ATP11A: variants seen among roughly 807,000 people sequenced by gnomAD.
ATP11A encodes phospholipid-transporting ATPase IH.
In ATP11A, 81 loss-of-function variants were observed where a neutral mutation model predicts 154.4. That is an observed-to-expected ratio of 0.52 (90% CI 0.44 to 0.63). ATP11A has a LOEUF of 0.63. Among genes scored for constraint, ATP11A ranks in the 30% least tolerant of loss-of-function variants. The pLI, the probability that ATP11A is intolerant of heterozygous loss-of-function variation, is 0.00. For synonymous variants in ATP11A, 623 were observed against 585.9 expected, an observed-to-expected ratio of 1.06 and a Z score of -0.91; for missense variants, 1,316 against 1,474.3, an observed-to-expected ratio of 0.89 and a Z score of 1.76.
intron 1 of ATP11A, among the ~76,000 whole-genome samples, chr13:112,743,049 G>A (rs1034935306): frequency 6.6e-6 from 1 of 152,204 alleles, no homozygotes. Flanking sequence ...GACCTCACCT[G>A]TGCAGAGGGT....
At chr13:112,757,268 G>C (rs2076863652) in intron 1 of ATP11A, among the ~76,000 whole-genome samples, 1 of 152,238 alleles carries the variant, frequency 6.6e-6, no homozygotes, top group South Asian at 2.1e-4. Context: ...TCTGGCCTTT[G>C]TGTTCTCTCC....
At chr13:112,718,549 C>T (rs1888768724) in intron 1 of ATP11A, among the ~76,000 whole-genome samples, 1 of 152,208 alleles carries the variant, frequency 6.6e-6, no homozygotes, top group East Asian at 1.9e-4. Flanking sequence ...TGGGAACCCG[C>T]AGAGGCAGCA....
intron 2 of ATP11A, among the ~76,000 whole-genome samples, chr13:112,788,018 C>G: frequency 6.6e-6 from 1 of 150,480 alleles, no homozygotes; most frequent in African/African-American, 2.4e-5. Flanking sequence ...CTGTGGAGAC[C>G]TACTTAATTC....
intron 1 of ATP11A, among the ~76,000 whole-genome samples, chr13:112,749,906 C>G (rs544529875): frequency 7.6e-6 from 1 of 131,658 alleles, no homozygotes; most frequent in South Asian, 2.6e-4. Context: ...AATCCCCCTT[C>G]AGCCTCTCGT....
intron 1 of ATP11A, among the ~76,000 whole-genome samples, chr13:112,764,836 G>T (rs2077037153): frequency 6.6e-6 from 1 of 152,190 alleles, no homozygotes; most frequent in African/African-American, 2.4e-5. Context: ...CAGCCTGGTT[G>T]TTTATCCCAG....
At chr13:112,739,759 T>C (rs1891347146) in intron 1 of ATP11A, among the ~76,000 whole-genome samples, 1 of 152,138 alleles carries the variant, frequency 6.6e-6, no homozygotes, top group African/African-American at 2.4e-5. Context: ...GGGTAAACAA[T>C]GTGATTTATC....
Position 112,785,138 on chromosome 13 carries a change from G to T in ATP11A, c.43G>T (p.Ala15Ser). ...AACACCGCTCTCCTTTCCGCAGTGT[G>T]CAGGAGAAGAGAATTGGGTGGACAG... is the stretch of plus-strand genomic sequence containing the variant. ...LVRTLVHRYC[A>S]GEENWVDSRT... Residue 15 changes from alanine (A) to serine (S), a missense_variant, in exon 2 of 30, where the codon GCA (alanine) becomes TCA (serine). Ala to Ser is a moderately conservative substitution (Grantham distance 99). Around this residue, in one of 5 missense-constraint regions of ATP11A, gnomAD observed 123 missense variants for 113.7 expected, o/e 1.08. Transcript: ENST00000375645. This position sits in a 1 kb window ranked among gnomAD's most constrained non-coding sequence, Gnocchi z 4.8. 2 of 1,536,076 alleles carry T rather than the reference G, an allele frequency of 1.3e-6. No homozygotes were observed. Among genetic ancestry groups the T allele is most frequent in the Non-Finnish European group, 1.7e-6 (2 of 1,143,230 alleles).
intron 1 of ATP11A, among the ~76,000 whole-genome samples, chr13:112,711,342 C>T (rs1230849441): frequency 6.6e-6 from 1 of 152,160 alleles, no homozygotes; most frequent in Non-Finnish European, 1.5e-5. Context: ...TGATGCACAC[C>T]TGTGGTCCCA....
rs1348923044 is a variant in ATP11A at position 112,862,361 on chromosome 13, G to A, written c.2856-79G>A. 3.2e-6 allele frequency: 5 copies of A among 1,572,494 alleles called. No individual in the cohort carries two copies. In the African/African-American group the frequency reaches 6.8e-5, roughly 21 times the overall value. The stretch of plus-strand genomic sequence containing the variant: ...TTATCCCATGAAGACAACGTCCAGG[G>A]ATGGCCACCCCAGAGCCTGGGGGAG... On this transcript the variant is annotated intron_variant, in intron 24 of 29. Transcript: ENST00000375645.
intron 1 of ATP11A, among the ~76,000 whole-genome samples, chr13:112,769,980 T>TA (rs147566545): frequency 0.016 from 2,449 of 152,318 alleles, 82 homozygotes; most frequent in African/African-American, 0.056. Flanking sequence ...AAATCAGCGT[T>TA]ACGTTTGCTC....
chr13:112,863,751 C>A (rs1287660531), intron 25 of ATP11A, among the ~76,000 whole-genome samples: 1 of 90,134 alleles, frequency 1.1e-5, no homozygotes, highest in African/African-American at 4.0e-5. Flanking sequence ...TTCAGTGCAG[C>A]CCATGCAGCT....
intron 1 of ATP11A, among the ~76,000 whole-genome samples, chr13:112,752,035 G>GACCC (rs2076705073): frequency 6.6e-6 from 1 of 152,190 alleles, no homozygotes; most frequent in African/African-American, 2.4e-5. Context: ...GCTTTTAAGG[G>GACCC]ACCCCTTCCC....
intron 1 of ATP11A, among the ~76,000 whole-genome samples, chr13:112,720,436 T>C (rs1212527906): frequency 6.6e-6 from 1 of 152,262 alleles, no homozygotes; most frequent in Non-Finnish European, 1.5e-5. Context: ...CAGGGTTACC[T>C]GTGGGGTGCG....
chr13:112,717,887 A>G (rs1888658637), intron 1 of ATP11A, among the ~76,000 whole-genome samples: 1 of 152,080 alleles, frequency 6.6e-6, no homozygotes, highest in Admixed American at 6.5e-5. Flanking sequence ...GACCAGCCTG[A>G]CCAACATGGT....
chr13:112,822,085 T>G (rs998003415), intron 8 of ATP11A, among the ~76,000 whole-genome samples: 3 of 152,172 alleles, frequency 2.0e-5, no homozygotes, highest in African/African-American at 4.8e-5. Flanking sequence ...TAATATTCAG[T>G]AGGTTCTTAA....
chr13:112,756,380 C>T (rs1035562245), intron 1 of ATP11A, among the ~76,000 whole-genome samples: 3 of 152,176 alleles, frequency 2.0e-5, no homozygotes, highest in Non-Finnish European at 2.9e-5. Context: ...CAGGCCACCT[C>T]TCTCACCTGC....
chr13:112,802,436 G>T (rs190189866), intron 2 of ATP11A, among the ~76,000 whole-genome samples: 2 of 151,388 alleles, frequency 1.3e-5, no homozygotes, highest in Non-Finnish European at 2.9e-5. Context: ...CACCCAGATA[G>T]TCAACCCATT....
chr13:112,827,061 AC>A (rs1381856063), intron 12 of ATP11A, among the ~76,000 whole-genome samples, 170 bp downstream of exon 12: 3 of 152,184 alleles, frequency 2.0e-5, no homozygotes, highest in Admixed American at 6.5e-5. Context: ...CCGTGCTGTT[AC>A]ATTTACAACA....
Position 112,834,429 on chromosome 13 carries a change from A to T in ATP11A, c.1560-160A>T, listed in dbSNP as rs532904068. On this transcript the variant is annotated intron_variant, in intron 14 of 29. Coordinates refer to ENST00000375645, the MANE Select transcript of ATP11A (RefSeq NM_015205.3). The stretch of plus-strand genomic sequence containing the variant: ...TTTTGAGATGGTGAATAAGTTCATT[A>T]TGATAATTTCCTAACTTTATAATGC... Among the ~76,000 whole-genome samples, 3 of 152,336 alleles carry T rather than the reference A, an allele frequency of 2.0e-5. No homozygotes were observed. The South Asian group carries it at 6.2e-4, about 32-fold the overall frequency.
Sources: gnomAD v4.1 joint callset for allele counts (sites outside exome capture counted in the v4.1 genomes callset) on GRCh38, gnomAD v4.1.1 for gene constraint, gnomAD v4.1.1 regional missense constraint, Gnocchi (gnomAD v3.1) non-coding constraint, MANE v1.5 for transcripts, NCBI Gene and HGNC (gene_info 2026-07-23, HGNC 2026-07-21) for gene names.